Variants in TAFA5 observed in about 807,000 individuals in gnomAD.
TAFA5 encodes chemokine-like protein TAFA-5.
In TAFA5, 6 loss-of-function variants were observed where a neutral mutation model predicts 15.3. The ratio of observed to expected loss-of-function variants is 0.39; its 90% CI spans 0.21 to 0.77. The LOEUF (loss-of-function observed/expected upper bound fraction) is 0.77, where lower values mean the gene tolerates loss of function less well. Among genes scored for constraint, TAFA5 ranks in the 30% least tolerant of loss-of-function variants. TAFA5 has a pLI of 0.41. For synonymous variants in TAFA5, 103 were observed against 80.7 expected, an observed-to-expected ratio of 1.28 and a Z score of -1.48; for missense variants, 161 against 193.1, an observed-to-expected ratio of 0.83 and a Z score of 0.98.
chr22:48,711,230 G>T (rs1929242485), intron 3 of TAFA5, among the ~76,000 whole-genome samples: 1 of 152,188 alleles, frequency 6.6e-6, no homozygotes, highest in Admixed American at 6.5e-5. Context: ...AGAGAGTGAG[G>T]TCTCATAGGT....
At chr22:48,584,661 C>T (rs189296295) in intron 1 of TAFA5, among the ~76,000 whole-genome samples, 31,137 of 148,696 alleles carry the variant, frequency 0.21, 3,219 homozygotes, top group Non-Finnish European at 0.23. Context: ...ACCACACACA[C>T]AGCACAAATC....
intron 1 of TAFA5, among the ~76,000 whole-genome samples, chr22:48,533,915 A>G (rs1189648982): frequency 2.0e-5 from 3 of 152,198 alleles, no homozygotes; most frequent in African/African-American, 7.2e-5. Flanking sequence ...AGCCTGGCAC[A>G]TTGTGGAGGG....
chr22:48,714,053 G>A (rs936636207), intron 3 of TAFA5, among the ~76,000 whole-genome samples: 3 of 152,212 alleles, frequency 2.0e-5, no homozygotes, highest in Non-Finnish European at 4.4e-5. Context: ...ACAAGAGTGC[G>A]TTCCCGTGCC....
At chr22:48,572,449 G>A (rs1923622949) in intron 1 of TAFA5, among the ~76,000 whole-genome samples, 1 of 152,224 alleles carries the variant, frequency 6.6e-6, no homozygotes. Context: ...CTTGACCCTA[G>A]GGACAGGTGT....
chr22:48,576,866 C>T (rs1923829506), intron 1 of TAFA5, among the ~76,000 whole-genome samples: 1 of 151,920 alleles, frequency 6.6e-6, no homozygotes, highest in Non-Finnish European at 1.5e-5. Context: ...CCGAGGCTGC[C>T]GTTCCCATCC....
intron 3 of TAFA5, among the ~76,000 whole-genome samples, chr22:48,725,772 A>G (rs1329776268): frequency 6.6e-6 from 1 of 152,072 alleles, no homozygotes; most frequent in African/African-American, 2.4e-5. Flanking sequence ...GATAAAGAGA[A>G]GTTGGTAGAT....
intron 2 of TAFA5, among the ~76,000 whole-genome samples, chr22:48,660,373 C>A (rs539695725): frequency 6.6e-6 from 1 of 152,134 alleles, no homozygotes; most frequent in African/African-American, 2.4e-5. Context: ...GCGCACATCT[C>A]GAGTATGTTT....
intron 2 of TAFA5, among the ~76,000 whole-genome samples, chr22:48,668,308 GT>G: frequency 6.1e-5 from 1 of 16,388 alleles, no homozygotes; most frequent in Non-Finnish European, 8.3e-5. Context: ...CACTGGGAGT[GT>G]TAATCCCCCA....
intron 3 of TAFA5, among the ~76,000 whole-genome samples, chr22:48,725,724 GAAAA>G (rs11379698): frequency 1.0e-4 from 12 of 114,944 alleles, no homozygotes; most frequent in Non-Finnish European, 1.1e-4. Context: ...ATAATTCACA[GAAAA>G]AAAAAAAAAA....
At chr22:48,611,338 G>A (rs544894357) in intron 1 of TAFA5, among the ~76,000 whole-genome samples, 2 of 152,270 alleles carry the variant, frequency 1.3e-5, no homozygotes, top group South Asian at 2.1e-4. Context: ...GCTGTCCTGC[G>A]TTGCCTTTCG....
intron 3 of TAFA5, among the ~76,000 whole-genome samples, chr22:48,726,596 A>T (rs1457578291): frequency 7.3e-6 from 1 of 136,176 alleles, no homozygotes; most frequent in Non-Finnish European, 1.6e-5. Context: ...ACATACAGAA[A>T]TAATCCAGTC....
At chr22:48,713,342 C>T (rs982454801) in intron 3 of TAFA5, among the ~76,000 whole-genome samples, 1 of 152,228 alleles carries the variant, frequency 6.6e-6, no homozygotes, top group Non-Finnish European at 1.5e-5. Context: ...GGCCAGGCAT[C>T]CCAGGAGTGT....
intron 1 of TAFA5, among the ~76,000 whole-genome samples, chr22:48,537,709 C>G (rs1179664549): frequency 6.6e-6 from 1 of 152,148 alleles, no homozygotes; most frequent in Admixed American, 6.5e-5. Flanking sequence ...TCCCTGGGGC[C>G]CTGGAGGCCC....
At chr22:48,693,346 A>G (rs377669579) in intron 2 of TAFA5, 25 of 1,612,524 alleles carry the variant, frequency 1.6e-5, no homozygotes, top group South Asian at 1.4e-4. Context: ...AGGAAAGCAC[A>G]AACACCCGAA....
At chr22:48,499,679 A>T (rs1467354685) in intron 1 of TAFA5, among the ~76,000 whole-genome samples, 2 of 152,174 alleles carry the variant, frequency 1.3e-5, no homozygotes. Context: ...CAGGCAGGCT[A>T]TTCTCATCCT....
At chr22:48,660,765 G>C (rs568053371) in intron 2 of TAFA5, among the ~76,000 whole-genome samples, 1 of 152,316 alleles carries the variant, frequency 6.6e-6, no homozygotes, top group East Asian at 1.9e-4. Flanking sequence ...CCCAGGCCGG[G>C]GTCTCTCTTC....
chr22:48,593,055 G>A (rs1044760062), intron 1 of TAFA5, among the ~76,000 whole-genome samples: 3 of 152,182 alleles, frequency 2.0e-5, no homozygotes, highest in Non-Finnish European at 2.9e-5. Flanking sequence ...TGCAGCCGTC[G>A]GAACTGAGAT....
At chr22:48,632,686 C>G (rs1429881685) in intron 1 of TAFA5, among the ~76,000 whole-genome samples, 1 of 152,196 alleles carries the variant, frequency 6.6e-6, no homozygotes, top group African/African-American at 2.4e-5. Context: ...AGGGCCCTGG[C>G]CCTGGGAGGT....
At chr22:48,590,300 C>T (rs1181261427) in intron 1 of TAFA5, among the ~76,000 whole-genome samples, 1 of 152,188 alleles carries the variant, frequency 6.6e-6, no homozygotes, top group African/African-American at 2.4e-5. Flanking sequence ...CAGCATTGCC[C>T]AGAGCAAGGG....
Sources: allele counts gnomAD v4.1 joint callset (sites outside exome capture counted in the v4.1 genomes callset), GRCh38; gene constraint gnomAD v4.1.1; transcripts MANE v1.5; gene names NCBI Gene and HGNC (gene_info 2026-07-23, HGNC 2026-07-21).